The following CCT6B variants were observed in gnomAD, a reference collection of about 807,000 sequenced individuals.
CCT6B encodes chaperonin containing TCP1 subunit 6B.
CCT6B carries 49 observed loss-of-function variants against 61.5 expected under a neutral mutation model. The ratio of observed to expected loss-of-function variants is 0.80; its 90% CI spans 0.63 to 1.01. The LOEUF (loss-of-function observed/expected upper bound fraction) is 1.01, where lower values mean the gene tolerates loss of function less well. CCT6B is among the 50% of genes least tolerant of loss of function. The pLI is 0.00. For synonymous variants in CCT6B, 228 were observed against 214.5 expected, an observed-to-expected ratio of 1.06 and a Z score of -0.55; for missense variants, 666 against 634.7, an observed-to-expected ratio of 1.05 and a Z score of -0.53.
intron 1 of CCT6B, among the ~76,000 whole-genome samples, chr17:34,960,760 G>C (rs970987622): frequency 6.6e-6 from 1 of 152,114 alleles, no homozygotes; most frequent in Non-Finnish European, 1.5e-5. Context: ...TATAGAAAAG[G>C]GTGCTTAATA....
intron 10 of CCT6B, among the ~76,000 whole-genome samples, chr17:34,933,243 A>G (rs1216327561): frequency 6.6e-6 from 1 of 152,210 alleles, no homozygotes; most frequent in Non-Finnish European, 1.5e-5. Flanking sequence ...GCAGAACTCA[A>G]ACTGCTATCT....
chr17:34,929,356 C>T (rs1483519212), intron 12 of CCT6B, among the ~76,000 whole-genome samples: 2 of 152,046 alleles, frequency 1.3e-5, no homozygotes, highest in Non-Finnish European at 2.9e-5. Context: ...CGTTGGAGTA[C>T]CCAAAAGTTC....
intron 5 of CCT6B, among the ~76,000 whole-genome samples, chr17:34,946,642 A>T (rs572685132): frequency 3.3e-5 from 5 of 152,366 alleles, no homozygotes; most frequent in South Asian, 4.1e-4. Context: ...ATGGGCAAAA[A>T]ATGCAAACTA....
At position 34,942,583 on chromosome 17, in the gene CCT6B, A is replaced by G; in HGVS notation, c.786T>C (p.Ala262=). Residue 262 remains alanine (A), a synonymous_variant, in exon 7 of 14, where the codon GCT becomes GCC. Coordinates refer to ENST00000314144, the MANE Select transcript of CCT6B (RefSeq NM_006584.4). ...TAEEKEKLVK[A]ERKFIEDRVQ... is the part of the protein sequence containing the mutation. The stretch of plus-strand genomic sequence containing the variant: ...CTCTATCTTCAATAAATTTTCTTTC[A>G]GCTTTTACCAATTTCTCTTTCTCTT... 1.9e-6 allele frequency: 3 copies of G among 1,608,298 alleles called. No homozygotes were observed. Among genetic ancestry groups the G allele is most frequent in the South Asian group, 2.2e-5 (2 of 90,100 alleles).
At chr17:34,944,157 T>C (rs1212275928) in intron 5 of CCT6B, 1 of 152,170 alleles carries the variant, frequency 6.6e-6, no homozygotes, top group East Asian at 1.9e-4. Flanking sequence ...TCCTCACTCT[T>C]CAAGCCTCCT....
chr17:34,930,649 T>A (rs2090025261), intron 12 of CCT6B, among the ~76,000 whole-genome samples: 1 of 152,196 alleles, frequency 6.6e-6, no homozygotes, highest in Non-Finnish European at 1.5e-5. Context: ...TTTTCTAAAA[T>A]GCTGAAGGAG....
intron 5 of CCT6B, among the ~76,000 whole-genome samples, chr17:34,948,105 A>C (rs975748865): frequency 4.6e-5 from 7 of 152,022 alleles, no homozygotes; most frequent in African/African-American, 1.7e-4. Context: ...TACATGACTA[A>C]GTTCTTTAGT....
chr17:34,928,989 C>G lies in CCT6B; in HGVS notation c.1496G>C (p.Cys499Ser). 1.2e-6 allele frequency: 2 copies of G among 1,607,504 alleles called. No homozygotes were observed. Among genetic ancestry groups the G allele is most frequent in the Non-Finnish European group, 1.7e-6 (2 of 1,175,142 alleles). ...AGAGTGAAGAAGTTGTTTTTTTACA[C>G]AATAATTATCCCAAACTCCTGCATC... ...AADAGVWDNY[C>S]VKKQLLHSCT... The change falls in exon 13 of 14, where the codon TGT becomes TCT. Residue 499 changes from cysteine to serine, a missense_variant. Physicochemically the swap from Cys to Ser is moderately radical, Grantham distance 112. Transcript: ENST00000314144.
intron 1 of CCT6B, 57 bp downstream of exon 1, chr17:34,961,200 C>A: frequency 6.5e-7 from 1 of 1,545,194 alleles, no homozygotes; most frequent in Non-Finnish European, 8.7e-7. Flanking sequence ...CCTCAGAGGG[C>A]GACAGGACAC....
intron 5 of CCT6B, among the ~76,000 whole-genome samples, chr17:34,946,657 A>C (rs2090227871): frequency 1.3e-5 from 2 of 152,240 alleles, no homozygotes; most frequent in African/African-American, 4.8e-5. Flanking sequence ...AAACTACCTA[A>C]ATGCCAATGA....
chr17:34,959,552 A>C, intron 2 of CCT6B, 35 bp downstream of exon 2: 1 of 1,495,530 alleles, frequency 6.7e-7, no homozygotes, highest in Non-Finnish European at 9.3e-7. Flanking sequence ...ATTAAGGCTT[A>C]TTAAGGTTTA....
chr17:34,946,691 T>C (rs926102262), intron 5 of CCT6B, among the ~76,000 whole-genome samples: 1 of 152,140 alleles, frequency 6.6e-6, no homozygotes, highest in Non-Finnish European at 1.5e-5. Context: ...TAAACTGTGG[T>C]ATATTAACAC....
At chr17:34,941,300 T>C (rs1461321925) in intron 7 of CCT6B, among the ~76,000 whole-genome samples, 1 of 152,178 alleles carries the variant, frequency 6.6e-6, no homozygotes, top group Non-Finnish European at 1.5e-5. Context: ...ATAGCATCAG[T>C]TCACTGAGTT....
Position 34,952,073 on chromosome 17 carries a change from G to T in CCT6B, c.511-20C>A, listed in dbSNP as rs1282891314. On this transcript the variant is annotated intron_variant, in intron 4 of 13. Coordinates refer to ENST00000314144, the MANE Select transcript of CCT6B (RefSeq NM_006584.4). ...CACAACCTGAAAGAGAAATGAATGA[G>T]AACAGTTAAGTTATTTGGACTACTA... 2.1e-6 allele frequency: 3 copies of T among 1,425,694 alleles called. No individual in the cohort carries two copies. Among genetic ancestry groups the T allele is most frequent in the African/African-American group, 2.8e-5 (2 of 70,932 alleles). The allele number at this position is 1,425,694 out of a possible 1,614,324, so 88.3% of individuals were successfully genotyped here.
At chr17:34,957,688 A>G (rs2142183700) in intron 3 of CCT6B, among the ~76,000 whole-genome samples, 1 of 152,326 alleles carries the variant, frequency 6.6e-6, no homozygotes, top group East Asian at 1.9e-4. Context: ...GAAAATTCCC[A>G]ATACTAAACG....
intron 7 of CCT6B, among the ~76,000 whole-genome samples, chr17:34,942,033 C>T (rs1030946799): frequency 6.6e-6 from 1 of 151,500 alleles, no homozygotes; most frequent in African/African-American, 2.4e-5. Flanking sequence ...AGAACAAGAC[C>T]CTGTCTCAAA....
rs1008804706 is a variant in CCT6B, at chr17:34,942,966, T to G, written c.615-60A>C. 23 of 945,466 alleles carry G rather than the reference T, an allele frequency of 2.4e-5. No homozygotes were observed. The African/African-American group carries it at 3.8e-4, about 16-fold the overall frequency. 58.6% of individuals were successfully genotyped at this position (945,466 alleles called of 1,614,324 possible). A position where few individuals can be genotyped will look rare whatever the true frequency, so the allele number is the denominator to read the frequency against. On this transcript the variant is annotated intron_variant, in intron 5 of 13. Coordinates refer to ENST00000314144, the MANE Select transcript of CCT6B (RefSeq NM_006584.4). ...TATACTCTAAAATTTGGTATAAAAT[T>G]ATCATTGTACTATTAAAGTTACATC... is the stretch of plus-strand genomic sequence containing the variant.
In CCT6B at chr17:34,927,949, T is replaced by C; in HGVS notation, c.*99A>G. The C allele has an allele frequency of 4.0e-6, 3 of 743,324 alleles. No homozygotes were observed. In the South Asian group the frequency reaches 6.6e-5, roughly 16 times the overall value. The allele number at this position is 743,324 out of a possible 1,614,324, so 46.0% of individuals were successfully genotyped here. On this transcript the variant is annotated 3_prime_UTR_variant, in exon 14 of 14. Transcript: ENST00000314144. ...ACCCAAAAGACATAAACTGCATTTA[T>C]TGTGTAGAAATTCAGAATGGCTCAG...
intron 10 of CCT6B, among the ~76,000 whole-genome samples, chr17:34,938,367 G>A (rs939705257): frequency 6.6e-6 from 1 of 152,016 alleles, no homozygotes; most frequent in Non-Finnish European, 1.5e-5. Context: ...AGGAGTTCAA[G>A]ACCAGCCTGG....
Sources: allele counts gnomAD v4.1 joint callset (sites outside exome capture counted in the v4.1 genomes callset), GRCh38; gene constraint gnomAD v4.1.1; transcripts MANE v1.5; gene names NCBI Gene and HGNC (gene_info 2026-07-23, HGNC 2026-07-21).